ASAP1: variants seen among roughly 807,000 people sequenced by gnomAD.
ASAP1 encodes the protein arf-GAP with SH3 domain, ANK repeat and PH domain-containing protein 1.
In ASAP1, 43 loss-of-function variants were observed where a neutral mutation model predicts 145.2. The ratio of observed to expected loss-of-function variants is 0.30; its 90% CI spans 0.23 to 0.38. The LOEUF is 0.38. Ranked by LOEUF, ASAP1 falls within the 10% of genes least tolerant of loss-of-function variation. The probability of loss-of-function intolerance (pLI) is 1.00; values close to 1 mark genes in which losing one functional copy is unlikely to be tolerated. For synonymous variants in ASAP1, 546 were observed against 515.5 expected (o/e 1.06, Z -0.80); for missense variants, 1,018 against 1,355.3 (o/e 0.75, Z 3.91).
intron 1 of ASAP1, among the ~76,000 whole-genome samples, chr8:130,441,507 G>C (rs528581514): frequency 6.6e-6 from 1 of 152,250 alleles, no homozygotes; most frequent in Non-Finnish European, 1.5e-5. Flanking sequence ...ATCCAAATAC[G>C]GCTGAGACCT....
intron 3 of ASAP1, among the ~76,000 whole-genome samples, chr8:130,353,735 C>T (rs1826134961): frequency 6.6e-6 from 1 of 152,070 alleles, no homozygotes; most frequent in South Asian, 2.1e-4. Flanking sequence ...CCAGGCATGG[C>T]GGTGTGCACC....
chr8:130,394,573 T>G (rs565202125), intron 2 of ASAP1, among the ~76,000 whole-genome samples: 3 of 152,214 alleles, frequency 2.0e-5, no homozygotes, highest in Non-Finnish European at 4.4e-5. Context: ...TTGTAAAGTA[T>G]GCGATCTCTG....
rs563131195 is a variant in ASAP1, at chr8:130,147,510, G to A, written c.1080+5226C>T. Reference sequence around the variant, plus strand: ...TTCCAGATGCTGTGATCCTACTTCAGCTCACTGAGATGACAACAGCTATTA... The same window carrying A: ...TTCCAGATGCTGTGATCCTACTTCAACTCACTGAGATGACAACAGCTATTA... On this transcript the variant is annotated intron_variant, in intron 13 of 29. Transcript: ENST00000518721. 5.3e-5 allele frequency among the ~76,000 whole-genome samples: 8 copies of A among 152,300 alleles called. No homozygotes were observed. The South Asian group carries it at 1.7e-3, about 32-fold the overall frequency.
intron 22 of ASAP1, 121 bp from the exon 23 acceptor site, chr8:130,115,856 T>C (rs1046979240): frequency 6.9e-6 from 5 of 728,136 alleles, no homozygotes; most frequent in Non-Finnish European, 2.4e-6. Flanking sequence ...GTAGGTGTAC[T>C]ATAGGCAACA....
chr8:130,341,696 C>A (rs188246901), intron 3 of ASAP1, among the ~76,000 whole-genome samples: 2 of 152,272 alleles, frequency 1.3e-5, no homozygotes, highest in Admixed American at 1.3e-4. Context: ...GTGTCTTCAA[C>A]TTGACTGCCC....
At chr8:130,245,262 A>G (rs1489780373) in intron 3 of ASAP1, among the ~76,000 whole-genome samples, 1 of 152,166 alleles carries the variant, frequency 6.6e-6, no homozygotes, top group African/African-American at 2.4e-5. Context: ...AGGTTTTAAG[A>G]TGTTTATCTG....
intron 2 of ASAP1, among the ~76,000 whole-genome samples, chr8:130,363,983 A>G (rs369606885): frequency 6.6e-6 from 1 of 152,204 alleles, no homozygotes; most frequent in Admixed American, 6.5e-5. Context: ...ATGTTCCCAT[A>G]GTCTACATAA....
At chr8:130,059,385 T>C (rs1448114835) in intron 28 of ASAP1, among the ~76,000 whole-genome samples, 1 of 152,112 alleles carries the variant, frequency 6.6e-6, no homozygotes, top group Non-Finnish European at 1.5e-5. Context: ...AGGCTGGTCA[T>C]GAATCCTGGG....
At chr8:130,072,832 G>GTGTGTGTGTGTGTGTGTGTGTGT (rs61663506) in intron 27 of ASAP1, among the ~76,000 whole-genome samples, 1 of 11,756 alleles carries the variant, frequency 8.5e-5, no homozygotes, top group Non-Finnish European at 1.5e-4. Context: ...TGTGCGCGCG[G>GTGTGTGTGTGTGTGTGTGTGTGT]GGGGGGGCAG....
chr8:130,358,057 C>T lies in ASAP1; in HGVS notation c.146G>A (p.Arg49Gln). ...NSPTTSSFTT[R>Q]LHNCRNTVTL... is the part of the protein sequence containing the mutation. ...GACGGTGTTCCTGCAGTTGTGCAGC[C>T]GCGTGGTGAAGCTGGACGTGGTGGG... The change falls in exon 3 of 30, where the codon CGG becomes CAG. Residue 49 changes from arginine to glutamine, a missense_variant. By Grantham distance (43) the Arg-to-Gln change is conservative. Around this residue, in one of 9 missense-constraint regions of ASAP1, gnomAD observed 106 missense variants for 134.5 expected, o/e 0.79. Transcript: ENST00000518721. This position sits in a 1 kb window ranked among gnomAD's most constrained non-coding sequence, Gnocchi z 4.1. 6.2e-7 allele frequency: 1 copy of T among 1,610,838 alleles called. No homozygotes were observed. Among genetic ancestry groups the T allele is most frequent in the Non-Finnish European group, 8.5e-7 (1 of 1,178,954 alleles).
At chr8:130,118,834 G>T in intron 18 of ASAP1, 159 bp from the exon 19 acceptor site, 1 of 439,742 alleles carries the variant, frequency 2.3e-6, no homozygotes, top group Non-Finnish European at 4.0e-6. Flanking sequence ...CTCCAACAGA[G>T]ACAGAATAAA....
At chr8:130,059,629 T>C (rs969708677) in intron 28 of ASAP1, among the ~76,000 whole-genome samples, 7 of 152,216 alleles carry the variant, frequency 4.6e-5, no homozygotes, top group Non-Finnish European at 1.5e-5. Context: ...CAGGTAGAGC[T>C]GCCATGTGCA....
chr8:130,094,925 A>C (rs2097514002), intron 24 of ASAP1, among the ~76,000 whole-genome samples: 1 of 152,144 alleles, frequency 6.6e-6, no homozygotes, highest in Admixed American at 6.5e-5. Context: ...CTAGGAAACA[A>C]AAATTGTCAA....
Position 130,110,981 on chromosome 8 carries a change from C to G in ASAP1, c.2401+1113G>C, listed in dbSNP as rs890189894. On this transcript the variant is annotated intron_variant, in intron 24 of 29. Coordinates refer to ENST00000518721, the MANE Select transcript of ASAP1 (RefSeq NM_018482.4). ...TGAAGCTATAGCTCTGGGTACCTCT[C>G]AATTATCCCTACTGGCTGAGGCAAC... is the stretch of plus-strand genomic sequence containing the variant. 2.0e-5 allele frequency among the ~76,000 whole-genome samples: 3 copies of G among 152,084 alleles called. No homozygotes were observed. In the South Asian group the frequency reaches 6.2e-4, roughly 32 times the overall value.
intron 12 of ASAP1, among the ~76,000 whole-genome samples, chr8:130,153,359 GTATA>G (rs1208128915): frequency 3.5e-5 from 1 of 28,910 alleles, no homozygotes; most frequent in African/African-American, 1.0e-4. Context: ...ATATATATAT[GTATA>G]TATATATATA....
chr8:130,274,594 A>G (rs17212453), intron 3 of ASAP1, among the ~76,000 whole-genome samples: 8,454 of 152,334 alleles, frequency 0.055, 324 homozygotes, highest in Non-Finnish European at 0.082. Flanking sequence ...CTCTCTTCTC[A>G]CTATCGCATT....
At chr8:130,412,526 C>G (rs1004126815) in intron 1 of ASAP1, among the ~76,000 whole-genome samples, 1 of 152,164 alleles carries the variant, frequency 6.6e-6, no homozygotes, top group African/African-American at 2.4e-5. Context: ...TCCTGTACAG[C>G]CTGCAGAGCC....
chr8:130,154,440 T>A (rs1484783247), intron 12 of ASAP1, among the ~76,000 whole-genome samples: 3 of 152,166 alleles, frequency 2.0e-5, no homozygotes, highest in Non-Finnish European at 1.5e-5. Flanking sequence ...TGCAGGTAGA[T>A]GCAAATGCAC....
intron 23 of ASAP1, among the ~76,000 whole-genome samples, chr8:130,113,877 G>A (rs536621372): frequency 6.6e-5 from 10 of 152,044 alleles, no homozygotes; most frequent in African/African-American, 2.2e-4. Flanking sequence ...GAGTTCCTGG[G>A]CTCAGGTGAT....
Sources: allele counts gnomAD v4.1 joint callset (sites outside exome capture counted in the v4.1 genomes callset), GRCh38; gene constraint gnomAD v4.1.1; regional missense constraint gnomAD v4.1.1; non-coding constraint Gnocchi (gnomAD v3.1); transcripts MANE v1.5; gene names NCBI Gene and HGNC (gene_info 2026-07-23, HGNC 2026-07-21).